Variants in PCDH7 observed in about 807,000 individuals in gnomAD.
PCDH7 encodes protocadherin-7.
In PCDH7, 17 loss-of-function variants were observed where a neutral mutation model predicts 58.9. That is an observed-to-expected ratio of 0.29 (90% CI 0.20 to 0.43). The LOEUF is 0.43. Among genes scored for constraint, PCDH7 ranks in the 20% least tolerant of loss-of-function variants. PCDH7 has a pLI of 1.00. For synonymous variants in PCDH7, 664 were observed against 616.4 expected (o/e 1.08, Z -1.14); for missense variants, 1,274 against 1,441.0 (o/e 0.88, Z 1.88).
At chr4:31,002,351 C>T (rs1171003221) in intron 3 of PCDH7, among the ~76,000 whole-genome samples, 1 of 152,238 alleles carries the variant, frequency 6.6e-6, no homozygotes, top group Admixed American at 6.5e-5. Flanking sequence ...CAGCAACACG[C>T]ACAATTTAAT....
chr4:30,882,580 A>G lies in PCDH7; in HGVS notation c.71-37573A>G, dbSNP rs78322321. 1.8e-4 allele frequency among the ~76,000 whole-genome samples: 27 copies of G among 152,232 alleles called. No individual in the cohort carries two copies. In the East Asian group the frequency reaches 5.3e-3, roughly 30 times the overall value. ...GCATGCTTTTCTAGTGTTTCAGAGG[A>G]TGTTAAATACAAGGTTATTTTCTTC... is the stretch of plus-strand genomic sequence containing the variant. On this transcript the variant is annotated intron_variant, in intron 1 of 3. Coordinates refer to the PCDH7 transcript ENST00000509759.
intron 3 of PCDH7, among the ~76,000 whole-genome samples, chr4:31,097,619 T>TAG (rs1714272847): frequency 2.6e-5 from 1 of 38,380 alleles, no homozygotes; most frequent in East Asian, 3.9e-3. Context: ...TATATATATA[T>TAG]ATATATATAT....
At chr4:31,079,223 T>G (rs1759262844) in intron 3 of PCDH7, among the ~76,000 whole-genome samples, 2 of 145,646 alleles carry the variant, frequency 1.4e-5, no homozygotes, top group East Asian at 4.1e-4. Context: ...CTCGTTAACA[T>G]TAGAAATATC....
intron 1 of PCDH7, among the ~76,000 whole-genome samples, chr4:30,762,460 C>T (rs556535945): frequency 3.9e-5 from 6 of 152,082 alleles, no homozygotes; most frequent in Admixed American, 2.6e-4. Flanking sequence ...GGTTATTTGT[C>T]GGAAGTTATT....
intron 3 of PCDH7, among the ~76,000 whole-genome samples, chr4:31,063,312 A>G (rs188661312): frequency 6.6e-6 from 1 of 151,902 alleles, no homozygotes; most frequent in African/African-American, 2.4e-5. Flanking sequence ...TATATAATAC[A>G]TCTTCTTTCT....
At chr4:30,812,978 TTAAC>T (rs1187482284) in intron 1 of PCDH7, among the ~76,000 whole-genome samples, 2 of 152,206 alleles carry the variant, frequency 1.3e-5, no homozygotes, top group African/African-American at 4.8e-5. Flanking sequence ...CTTCTGGTTG[TTAAC>T]ACATCTAGGG....
chr4:30,862,657 C>T (rs1048928027), intron 1 of PCDH7, among the ~76,000 whole-genome samples: 1 of 152,116 alleles, frequency 6.6e-6, no homozygotes, highest in African/African-American at 2.4e-5. Flanking sequence ...TCCATTGCTG[C>T]AGATTTTAAA....
chr4:31,070,826 T>C (rs1372899543), intron 3 of PCDH7, among the ~76,000 whole-genome samples: 2 of 152,138 alleles, frequency 1.3e-5, no homozygotes, highest in Non-Finnish European at 2.9e-5. Context: ...CAGACTTTTA[T>C]ATTCTACAAC....
chr4:30,813,894 C>T (rs111796311), intron 1 of PCDH7, among the ~76,000 whole-genome samples: 2 of 152,152 alleles, frequency 1.3e-5, no homozygotes, highest in East Asian at 3.9e-4. Flanking sequence ...CCAGCCTCGG[C>T]CTCCCAAAGT....
chr4:30,820,618 T>C (rs1728256954), intron 1 of PCDH7, among the ~76,000 whole-genome samples: 1 of 152,098 alleles, frequency 6.6e-6, no homozygotes, highest in Non-Finnish European at 1.5e-5. Context: ...AGTTTTTTTT[T>C]TAAGGAATGA....
chr4:31,000,604 A>G (rs1454290269), intron 3 of PCDH7, among the ~76,000 whole-genome samples: 13 of 152,050 alleles, frequency 8.5e-5, no homozygotes, highest in Non-Finnish European at 1.3e-4. Context: ...GGTCAATTAA[A>G]TGGTAGGACC....
At chr4:31,129,830 G>T (rs1162559662) in intron 3 of PCDH7, among the ~76,000 whole-genome samples, 5 of 152,068 alleles carry the variant, frequency 3.3e-5, no homozygotes, top group South Asian at 4.2e-4. Flanking sequence ...GTTTCATTAT[G>T]TTGGCCAGGC....
chr4:31,106,667 T>C (rs1266335923), intron 3 of PCDH7, among the ~76,000 whole-genome samples: 1 of 152,222 alleles, frequency 6.6e-6, no homozygotes, highest in African/African-American at 2.4e-5. Context: ...GGCCAGAGTT[T>C]GACTGTTTAT....
rs1749232544 is a variant in PCDH7 at position 30,968,390 on chromosome 4, ATATATATATATATATATATATATATG to A, written c.*7+18176_*7+18201del. On this transcript the variant is annotated intron_variant, in intron 3 of 3. Coordinates refer to the PCDH7 transcript ENST00000509759. ...ATATACACACACTATATATATATAT[ATATATATATATATATATATATATATG>A]GGATATTATGTCAGAATTAAAAAAC... Among the ~76,000 whole-genome samples the A allele has an allele frequency of 1.1e-4, 6 of 54,058 alleles. No homozygotes were observed. The South Asian group carries it at 3.9e-3, about 35-fold the overall frequency. 35.5% of individuals were successfully genotyped at this position (54,058 alleles called of 152,430 possible).
Position 31,034,702 on chromosome 4 carries a change from A to G in PCDH7, c.*7+84487A>G, listed in dbSNP as rs117342115. 9.6e-3 allele frequency among the ~76,000 whole-genome samples: 1,455 copies of G among 152,246 alleles called. 38 individuals carry two copies. The East Asian group carries it at 0.12, about 12-fold the overall frequency. ...TTCCCTGCCCATTGCTTCCACATTTATCCTATAATCTCGCCGTCTGTTTCA... is the reference window on the plus strand; with the variant it reads ...TTCCCTGCCCATTGCTTCCACATTTGTCCTATAATCTCGCCGTCTGTTTCA... On this transcript the variant is annotated intron_variant, in intron 3 of 3. Coordinates refer to the PCDH7 transcript ENST00000509759.
intron 2 of PCDH7, among the ~76,000 whole-genome samples, chr4:30,923,629 G>A (rs1017608178): frequency 6.6e-6 from 1 of 152,068 alleles, no homozygotes; most frequent in Non-Finnish European, 1.5e-5. Context: ...CCATTTTAAA[G>A]TTCCAAATCT....
At chr4:31,035,006 T>G (rs1755271024) in intron 3 of PCDH7, among the ~76,000 whole-genome samples, 1 of 152,130 alleles carries the variant, frequency 6.6e-6, no homozygotes, top group South Asian at 2.1e-4. Context: ...GACAGGGAGA[T>G]TAGGGAATAG....
intron 2 of PCDH7, among the ~76,000 whole-genome samples, chr4:30,924,324 T>C (rs911740883): frequency 1.3e-5 from 2 of 152,192 alleles, no homozygotes; most frequent in Non-Finnish European, 2.9e-5. Context: ...TCTAAGGAAA[T>C]TGATAAATCA....
chr4:31,044,506 T>C (rs1405199384), intron 3 of PCDH7, among the ~76,000 whole-genome samples: 1 of 152,084 alleles, frequency 6.6e-6, no homozygotes, highest in African/African-American at 2.4e-5. Context: ...GATTTCATTT[T>C]TCATTGATTG....
Sources: allele counts gnomAD v4.1 joint callset (sites outside exome capture counted in the v4.1 genomes callset), GRCh38; gene constraint gnomAD v4.1.1; transcripts MANE v1.5; gene names NCBI Gene and HGNC (gene_info 2026-07-23, HGNC 2026-07-21).